Variants in ZC3H7A observed in about 807,000 individuals in gnomAD.
The protein encoded by ZC3H7A is zinc finger CCCH-type containing 7A.
A neutral mutation model predicts 125.5 loss-of-function variants in ZC3H7A; 44 were observed. The observed-to-expected ratio is 0.35, with a 90% CI of 0.28 to 0.45. The LOEUF (loss-of-function observed/expected upper bound fraction) is 0.45, where lower values mean the gene tolerates loss of function less well. Among genes scored for constraint, ZC3H7A ranks in the 20% least tolerant of loss-of-function variants. The probability of loss-of-function intolerance (pLI) is 1.00; values close to 1 mark genes in which losing one functional copy is unlikely to be tolerated. For synonymous variants in ZC3H7A, 399 were observed against 391.2 expected (o/e 1.02, Z -0.23); for missense variants, 977 against 1,170.7 (o/e 0.83, Z 2.41).
intron 1 of ZC3H7A, among the ~76,000 whole-genome samples, chr16:11,791,010 C>T (rs942389638): frequency 6.6e-6 from 1 of 151,018 alleles, no homozygotes; most frequent in East Asian, 1.9e-4. Context: ...GTCTTCAAGG[C>T]TCAGCAAGCT....
chr16:11,776,719 C>T (rs776613441), intron 5 of ZC3H7A, 32 bp downstream of exon 5: 13 of 1,569,776 alleles, frequency 8.3e-6, no homozygotes, highest in African/African-American at 4.1e-5. Context: ...TAAATGGTTA[C>T]GATGTAAACA....
rs1227007669 is a variant in ZC3H7A at position 11,752,691 on chromosome 16, C to T, written c.2704G>A (p.Gly902Ser). Residue 902 changes from glycine (G) to serine (S), a missense_variant, in exon 22 of 23, where the codon GGC becomes AGC. Coordinates refer to ENST00000355758, the MANE Select transcript of ZC3H7A (RefSeq NM_014153.4). ...QYCWQHRFPT[G>S]YFSICDRYMN... Reference sequence around the variant, plus strand: ...TACCTATCACAAATACTGAAATAGCCTGTTGGGAAGCGGTGCTGCCAGCAG... The same window carrying T: ...TACCTATCACAAATACTGAAATAGCTTGTTGGGAAGCGGTGCTGCCAGCAG... 6.2e-6 allele frequency: 10 copies of T among 1,613,166 alleles called. No individual in the cohort carries two copies. The Admixed American group carries it at 1.7e-4, about 27-fold the overall frequency.
At chr16:11,757,698 A>C (rs1402073486) in intron 20 of ZC3H7A, among the ~76,000 whole-genome samples, 1 of 152,084 alleles carries the variant, frequency 6.6e-6, no homozygotes, top group African/African-American at 2.4e-5. Flanking sequence ...CTGGTGCGCA[A>C]GGGCATCTTC....
At chr16:11,793,663 T>C (rs1484313410) in intron 1 of ZC3H7A, among the ~76,000 whole-genome samples, 2 of 152,182 alleles carry the variant, frequency 1.3e-5, no homozygotes, top group Non-Finnish European at 2.9e-5. Context: ...GTATCATTAT[T>C]GTCATCCTTA....
At chr16:11,754,455 C>T (rs919052459) in intron 21 of ZC3H7A, among the ~76,000 whole-genome samples, 2 of 151,774 alleles carry the variant, frequency 1.3e-5, no homozygotes, top group African/African-American at 4.8e-5. Flanking sequence ...CCAGGCCACA[C>T]ACAAGGCCTG....
intron 10 of ZC3H7A, among the ~76,000 whole-genome samples, chr16:11,770,316 G>C (rs1006358391): frequency 6.6e-6 from 1 of 152,118 alleles, no homozygotes; most frequent in South Asian, 2.1e-4. Flanking sequence ...GCAATCTCCT[G>C]TAAAGTTAAA....
chr16:11,763,696 C>T, intron 15 of ZC3H7A, 37 bp from the exon 16 acceptor site: 3 of 1,101,312 alleles, frequency 2.7e-6, no homozygotes, highest in Non-Finnish European at 3.5e-6. Flanking sequence ...TATTGTTCTG[C>T]CATAGATTTT....
At chr16:11,782,141 A>T in intron 2 of ZC3H7A, 146 bp downstream of exon 2, 1 of 889,860 alleles carries the variant, frequency 1.1e-6, no homozygotes, top group Non-Finnish European at 1.7e-6. Flanking sequence ...GGACAAAAGA[A>T]AAAAATATTG....
chr16:11,752,953 G>C, intron 21 of ZC3H7A, 121 bp from the exon 22 acceptor site: 1 of 1,278,038 alleles, frequency 7.8e-7, no homozygotes, highest in Non-Finnish European at 1.1e-6. Flanking sequence ...TAGAAATAGG[G>C]ACAAGGAAAG....
intron 1 of ZC3H7A, among the ~76,000 whole-genome samples, chr16:11,791,096 C>T (rs1217117812): frequency 1.4e-5 from 2 of 145,264 alleles, no homozygotes. Flanking sequence ...AAAACACACA[C>T]ACACACACAC....
intron 20 of ZC3H7A, 45 bp from the exon 21 acceptor site, chr16:11,756,415 T>C: frequency 6.3e-7 from 1 of 1,597,950 alleles, no homozygotes; most frequent in Non-Finnish European, 8.5e-7. Flanking sequence ...CTAAACTCCA[T>C]TTAAATACAT....
Position 11,788,042 on chromosome 16 carries a change from T to A in ZC3H7A, c.-34-5654A>T, listed in dbSNP as rs532910734. On this transcript the variant is annotated intron_variant, in intron 1 of 22. Transcript: ENST00000355758. ...AAAGAAAGAAAAAGACGTTTAAAAATATACTATCTTATTTTTGGATACTGT... is the reference window on the plus strand; with the variant it reads ...AAAGAAAGAAAAAGACGTTTAAAAAAATACTATCTTATTTTTGGATACTGT... 9.9e-5 allele frequency among the ~76,000 whole-genome samples: 15 copies of A among 151,944 alleles called. 1 individual carries two copies. The highest frequency in any genetic ancestry group is 2.2e-4 in the Non-Finnish European group (15 of 67,984).
chr16:11,770,560 T>G (rs367665859), intron 10 of ZC3H7A, among the ~76,000 whole-genome samples: 1 of 152,324 alleles, frequency 6.6e-6, no homozygotes. Context: ...GAAACACCAG[T>G]GCCACACACA....
chr16:11,754,228 G>A (rs2141153228), intron 21 of ZC3H7A, among the ~76,000 whole-genome samples: 1 of 147,426 alleles, frequency 6.8e-6, no homozygotes, highest in South Asian at 2.1e-4. Flanking sequence ...GGAGGTAGTG[G>A]CTGCAGTGAG....
intron 21 of ZC3H7A, chr16:11,753,046 C>T (rs1316726096): frequency 9.7e-6 from 5 of 517,712 alleles, no homozygotes; most frequent in South Asian, 2.9e-5. Flanking sequence ...AGGAAATCTC[C>T]GGTAAAGAGG....
intron 1 of ZC3H7A, among the ~76,000 whole-genome samples, chr16:11,790,289 T>G (rs895509542): frequency 2.6e-5 from 4 of 152,166 alleles, no homozygotes; most frequent in Non-Finnish European, 5.9e-5. Context: ...TGAGGCCATG[T>G]TTGTTTTAAT....
intron 9 of ZC3H7A, 94 bp from the exon 10 acceptor site, chr16:11,771,081 A>G (rs774833211): frequency 1.9e-4 from 226 of 1,219,660 alleles, no homozygotes; most frequent in Non-Finnish European, 2.5e-4. Flanking sequence ...GCATTATTAC[A>G]CTGGGAGATC....
At position 11,779,212 on chromosome 16, in the gene ZC3H7A, A is replaced by T; in HGVS notation, c.260T>A (p.Ile87Lys). Residue 87 changes from isoleucine to lysine, a missense_variant, in exon 4 of 23, where the codon ATA (isoleucine) becomes AAA (lysine). Ile to Lys is a moderately radical substitution (Grantham distance 102). Transcript: ENST00000355758. ...KSEEILIPKE[I>K]IEKLYINRIA... ...ACGATTTATATATAGTTTTTCAATT[A>T]TTTCTTTGGGGATTAAAATTTCTTC... 1 of 1,609,964 alleles carries T rather than the reference A, an allele frequency of 6.2e-7. No homozygotes were observed. Among genetic ancestry groups the T allele is most frequent in the Non-Finnish European group, 8.5e-7 (1 of 1,176,686 alleles).
chr16:11,764,583 C>G (rs2052821265), intron 15 of ZC3H7A, among the ~76,000 whole-genome samples: 1 of 151,428 alleles, frequency 6.6e-6, no homozygotes, highest in African/African-American at 2.4e-5. Flanking sequence ...TTAGCCAGGC[C>G]TAGTGGTGGG....
Sources: gnomAD v4.1 joint callset for allele counts (sites outside exome capture counted in the v4.1 genomes callset) on GRCh38, gnomAD v4.1.1 for gene constraint, MANE v1.5 for transcripts, NCBI Gene and HGNC (gene_info 2026-07-23, HGNC 2026-07-21) for gene names.